Variants in SPATA13 observed in about 807,000 individuals in gnomAD.
SPATA13 encodes the protein spermatogenesis associated 13, also known as spermatogenesis-associated protein 13.
In SPATA13, 50 loss-of-function variants were observed where a neutral mutation model predicts 104.0. The ratio of observed to expected loss-of-function variants is 0.48; its 90% CI spans 0.38 to 0.61. The LOEUF (loss-of-function observed/expected upper bound fraction) is 0.61. Ranked by LOEUF, SPATA13 falls within the 20% of genes least tolerant of loss-of-function variation. The pLI is 0.00. For synonymous variants in SPATA13, 606 were observed against 667.5 expected (o/e 0.91, Z 1.42); for missense variants, 1,524 against 1,690.6 (o/e 0.90, Z 1.73).
chr13:24,260,577 G>A (rs372605283), intron 4 of SPATA13, among the ~76,000 whole-genome samples: 4 of 152,256 alleles, frequency 2.6e-5, no homozygotes, highest in East Asian at 3.9e-4. Context: ...GACTGAAAGG[G>A]GACTTGGCAT....
intron 3 of SPATA13, among the ~76,000 whole-genome samples, chr13:24,018,584 A>G (rs1217664619): frequency 6.6e-6 from 1 of 152,254 alleles, no homozygotes; most frequent in African/African-American, 2.4e-5. Context: ...AGGTCTACGC[A>G]TTAATAGCCA....
intron 4 of SPATA13, among the ~76,000 whole-genome samples, chr13:24,281,529 C>T (rs568247389): frequency 6.6e-6 from 1 of 152,342 alleles, no homozygotes; most frequent in Admixed American, 6.5e-5. Flanking sequence ...GGTGCGGACC[C>T]ATGGGCCATG....
At chr13:24,298,089 G>A (rs904390828) in intron 11 of SPATA13, among the ~76,000 whole-genome samples, 34 of 152,138 alleles carry the variant, frequency 2.2e-4, no homozygotes, top group Admixed American at 8.5e-4. Flanking sequence ...CTTGCACTGT[G>A]GCCACATAAC....
intron 1 of SPATA13, among the ~76,000 whole-genome samples, chr13:24,194,109 T>C (rs900309959): frequency 5.9e-5 from 9 of 152,220 alleles, no homozygotes; most frequent in African/African-American, 2.2e-4. Context: ...TGCTGCTTTA[T>C]GGTTTTATGA....
Position 24,249,497 on chromosome 13 carries a change from G to C in SPATA13, c.1674G>C (p.Trp558Cys). 1.3e-6 allele frequency: 2 copies of C among 1,578,776 alleles called. No homozygotes were observed. Among genetic ancestry groups the C allele is most frequent in the Non-Finnish European group, 1.7e-6 (2 of 1,161,648 alleles). ...EKEEVVPDGP[W>C]RRSSSQDEER... ...GAAAGGTCGTCCCTGATGGCCCCTG[G>C]AGGCGAAGCTCATCACAGGATGAGG... The change falls in exon 3 of 13, where the codon TGG becomes TGC. Residue 558 changes from tryptophan (W) to cysteine (C), a missense_variant. By Grantham distance (215) the Trp-to-Cys change is radical (BLOSUM62 -2). Coordinates refer to ENST00000382108, the MANE Select transcript of SPATA13 (RefSeq NM_001166271.3).
chr13:24,300,912 A>G (rs1055530822), intron 12 of SPATA13, among the ~76,000 whole-genome samples: 5 of 152,322 alleles, frequency 3.3e-5, no homozygotes, highest in African/African-American at 1.2e-4. Flanking sequence ...TAGTTTAAGT[A>G]AGAAAAAGAT....
intron 1 of SPATA13, among the ~76,000 whole-genome samples, chr13:24,211,073 A>G (rs1870985950): frequency 6.6e-6 from 1 of 152,200 alleles, no homozygotes; most frequent in Non-Finnish European, 1.5e-5. Flanking sequence ...ATGCAACTGA[A>G]GAAAATAAAT....
intron 2 of SPATA13, among the ~76,000 whole-genome samples, chr13:24,004,160 T>C (rs1202031118): frequency 6.6e-6 from 1 of 152,006 alleles, no homozygotes; most frequent in Non-Finnish European, 1.5e-5. Context: ...CTTTAAAAAA[T>C]CTCCAAAGCA....
At chr13:24,021,962 C>T (rs12430045) in intron 3 of SPATA13, among the ~76,000 whole-genome samples, 36,809 of 151,878 alleles carry the variant, frequency 0.24, 4,755 homozygotes, top group Admixed American at 0.29. Context: ...CTGCCTGCCT[C>T]GGCCTCCCAA....
chr13:24,235,334 G>A (rs1457891917), intron 2 of SPATA13, among the ~76,000 whole-genome samples: 2 of 152,216 alleles, frequency 1.3e-5, no homozygotes, highest in Admixed American at 6.5e-5. Flanking sequence ...GAGATTCGCT[G>A]TCCAGGCTGA....
intron 4 of SPATA13, among the ~76,000 whole-genome samples, chr13:24,260,314 AG>A (rs1487544984): frequency 6.6e-6 from 1 of 152,196 alleles, no homozygotes; most frequent in Non-Finnish European, 1.5e-5. Flanking sequence ...AGAAGTTGAG[AG>A]TAGGGTAGCC....
At chr13:23,980,560 G>A (rs1353922367) in intron 1 of SPATA13, among the ~76,000 whole-genome samples, 1 of 152,194 alleles carries the variant, frequency 6.6e-6, no homozygotes, top group Non-Finnish European at 1.5e-5. Context: ...TGGAAGACAT[G>A]AACAAGAATA....
chr13:24,145,435 A>G (rs1923905), intron 3 of SPATA13, among the ~76,000 whole-genome samples: 2,650 of 152,304 alleles, frequency 0.017, 71 homozygotes, highest in African/African-American at 0.061. Flanking sequence ...TGTCTGTAGC[A>G]TCCCTACCAG....
Position 24,224,385 on chromosome 13 carries a change from A to G in SPATA13, c.1456A>G (p.Ser486Gly). 1 of 1,551,682 alleles carries G rather than the reference A, an allele frequency of 6.4e-7. No individual in the cohort carries two copies. The highest frequency in any genetic ancestry group is 8.7e-7 in the Non-Finnish European group (1 of 1,146,996). ...CCAGAGCCCCGGGGCAGGAAGTGCC[A>G]GCTGTCACAGCAATCACAGTGCCCT... ...SPQSPGAGSA[S>G]CHSNHSALSA... Residue 486 changes from serine to glycine, a missense_variant, in exon 2 of 13, where the codon AGC (serine) becomes GGC (glycine). Ser to Gly is a moderately conservative substitution (Grantham distance 56). This residue lies in a region of SPATA13 where 1,089 missense variants were observed against 1,135.9 expected (regional missense o/e 0.96). Transcript: ENST00000382108.
chr13:24,245,423 T>G (rs1873065992), intron 2 of SPATA13, among the ~76,000 whole-genome samples: 2 of 152,212 alleles, frequency 1.3e-5, no homozygotes, highest in Admixed American at 1.3e-4. Context: ...CTTCTCTTTG[T>G]ACTTTTGCTG....
chr13:24,242,587 A>C (rs1447027895), intron 2 of SPATA13, among the ~76,000 whole-genome samples: 1 of 152,154 alleles, frequency 6.6e-6, no homozygotes, highest in South Asian at 2.1e-4. Context: ...CTCATCGTAA[A>C]ATGGGGGTAA....
chr13:24,291,830 C>T (rs1876401837), intron 9 of SPATA13, among the ~76,000 whole-genome samples: 2 of 150,158 alleles, frequency 1.3e-5, no homozygotes, highest in African/African-American at 4.9e-5. Context: ...AATCTCGGCT[C>T]ACTGCAAGCT....
At chr13:24,196,557 A>C (rs1186596700) in intron 1 of SPATA13, among the ~76,000 whole-genome samples, 3 of 152,146 alleles carry the variant, frequency 2.0e-5, no homozygotes, top group African/African-American at 7.2e-5. Flanking sequence ...AAATATAGTG[A>C]GACCCTTGTC....
At chr13:24,058,676 A>G (rs1247202063) in intron 3 of SPATA13, among the ~76,000 whole-genome samples, 3 of 151,928 alleles carry the variant, frequency 2.0e-5, no homozygotes, top group African/African-American at 7.2e-5. Context: ...CTTATTTTTA[A>G]GTTTGATAAA....
Sources: allele counts gnomAD v4.1 joint callset (sites outside exome capture counted in the v4.1 genomes callset), GRCh38; gene constraint gnomAD v4.1.1; regional missense constraint gnomAD v4.1.1; transcripts MANE v1.5; gene names NCBI Gene and HGNC (gene_info 2026-07-23, HGNC 2026-07-21).